DRC11: variants seen among roughly 807,000 people sequenced by gnomAD.
DRC11 encodes the protein IQ and AAA domain-containing protein 1.
At chr2:236,407,348 G>A in the DRC11 span, among the ~76,000 whole-genome samples, 1 of 152,160 alleles carries the variant, frequency 6.6e-6, no homozygotes, top group African/African-American at 2.4e-5. Context: ...TCTCACATGG[G>A]CCATGCAAGC....
the DRC11 span, among the ~76,000 whole-genome samples, chr2:236,409,485 C>T: frequency 5.9e-5 from 9 of 152,242 alleles, no homozygotes; most frequent in Admixed American, 2.0e-4. Flanking sequence ...CTGAAGTTGC[C>T]TATCAGCTTA....
the DRC11 span, among the ~76,000 whole-genome samples, chr2:236,429,099 C>G: frequency 6.6e-5 from 10 of 152,168 alleles, no homozygotes; most frequent in Admixed American, 5.9e-4. This position sits in a 1 kb window ranked among gnomAD's most constrained non-coding sequence, Gnocchi z 5.9. Context: ...CTGTGGGCAG[C>G]AGGGTGGGGG....
chr2:236,315,285 A>G, the DRC11 span, among the ~76,000 whole-genome samples: 4 of 152,242 alleles, frequency 2.6e-5, no homozygotes, highest in South Asian at 8.3e-4. This position sits in a 1 kb window ranked among gnomAD's most constrained non-coding sequence, Gnocchi z 5.1. Context: ...TGGCTCTGAA[A>G]TAAGACTTGA....
At chr2:236,444,983 CG>C in the DRC11 span, among the ~76,000 whole-genome samples, 1 of 152,200 alleles carries the variant, frequency 6.6e-6, no homozygotes, top group Non-Finnish European at 1.5e-5. Flanking sequence ...AAACTGACCA[CG>C]CTCCGCCACA....
chr2:236,452,208 T>C, the DRC11 span, among the ~76,000 whole-genome samples: 4 of 152,206 alleles, frequency 2.6e-5, no homozygotes, highest in African/African-American at 9.7e-5. This position sits in a 1 kb window ranked among gnomAD's most constrained non-coding sequence, Gnocchi z 4.7. Flanking sequence ...TAAAAATTTA[T>C]GCATATTGTC....
chr2:236,471,110 C>T, the DRC11 span, among the ~76,000 whole-genome samples: 1 of 152,126 alleles, frequency 6.6e-6, no homozygotes, highest in East Asian at 1.9e-4. This position sits in a 1 kb window ranked among gnomAD's most constrained non-coding sequence, Gnocchi z 4.6. Flanking sequence ...TACTAGGTAG[C>T]ATTACTATCT....
the DRC11 span, among the ~76,000 whole-genome samples, chr2:236,397,040 T>C: frequency 6.6e-6 from 1 of 152,156 alleles, no homozygotes; most frequent in Non-Finnish European, 1.5e-5. This position sits in a 1 kb window ranked among gnomAD's most constrained non-coding sequence, Gnocchi z 5.0. Context: ...GGGACAAGCA[T>C]TCTGAGCCAG....
At chr2:236,419,092 G>T in the DRC11 span, 3 of 1,487,912 alleles carry the variant, frequency 2.0e-6, no homozygotes, top group East Asian at 2.5e-5. The surrounding 1 kb of genome is among the most constrained non-coding windows in gnomAD (Gnocchi z 4.8). Flanking sequence ...TCAAAGCAAA[G>T]AAGTCAATAA....
the DRC11 span, among the ~76,000 whole-genome samples, chr2:236,433,952 T>C: frequency 3.3e-5 from 5 of 152,260 alleles, no homozygotes; most frequent in African/African-American, 1.2e-4. Context: ...AGAGTTCTAT[T>C]TTTAAATATC....
At chr2:236,494,476 G>C in the DRC11 span, among the ~76,000 whole-genome samples, 1 of 152,170 alleles carries the variant, frequency 6.6e-6, no homozygotes, top group African/African-American at 2.4e-5. The surrounding 1 kb of genome is among the most constrained non-coding windows in gnomAD (Gnocchi z 4.2). Flanking sequence ...TGGGGGTTCA[G>C]ATGAAAATTT....
At chr2:236,345,241 C>T in the DRC11 span, among the ~76,000 whole-genome samples, 1 of 152,156 alleles carries the variant, frequency 6.6e-6, no homozygotes, top group Non-Finnish European at 1.5e-5. Flanking sequence ...AGCTCTGCTG[C>T]ACAGGCACAG....
the DRC11 span, among the ~76,000 whole-genome samples, chr2:236,444,333 G>A: frequency 4.7e-3 from 711 of 152,358 alleles, 9 homozygotes; most frequent in African/African-American, 0.016. Flanking sequence ...GTATGGCAGT[G>A]AAGACTACAG....
At chr2:236,495,158 C>T in the DRC11 span, among the ~76,000 whole-genome samples, 4 of 152,106 alleles carry the variant, frequency 2.6e-5, no homozygotes, top group Admixed American at 6.5e-5. This position sits in a 1 kb window ranked among gnomAD's most constrained non-coding sequence, Gnocchi z 5.6. Context: ...GCCTGGTCAA[C>T]ATGGTGAAAC....
At chr2:236,491,048 A>C in the DRC11 span, among the ~76,000 whole-genome samples, 71 of 137,520 alleles carry the variant, frequency 5.2e-4, no homozygotes, top group African/African-American at 1.8e-3. Flanking sequence ...TATATACAGT[A>C]TATATATATA....
the DRC11 span, among the ~76,000 whole-genome samples, chr2:236,356,836 A>C: frequency 4.0e-5 from 6 of 150,348 alleles, no homozygotes; most frequent in African/African-American, 1.2e-4. Context: ...TCACCTGTGA[A>C]ATGTTTATTG....
the DRC11 span, among the ~76,000 whole-genome samples, chr2:236,473,704 C>T: frequency 2.0e-5 from 3 of 151,488 alleles, no homozygotes; most frequent in African/African-American, 7.3e-5. The surrounding 1 kb of genome is among the most constrained non-coding windows in gnomAD (Gnocchi z 4.8). Flanking sequence ...ATTAAAATAA[C>T]TGCACATAAA....
At chr2:236,493,520 T>C in the DRC11 span, among the ~76,000 whole-genome samples, 5 of 152,220 alleles carry the variant, frequency 3.3e-5, no homozygotes, top group Non-Finnish European at 5.9e-5. Context: ...CAACAGATAC[T>C]GATTTAAGTA....
At chr2:236,343,554 G>T in the DRC11 span, 1 of 416,746 alleles carries the variant, frequency 2.4e-6, no homozygotes. The surrounding 1 kb of genome is among the most constrained non-coding windows in gnomAD (Gnocchi z 6.6). Context: ...TATGTCTGGT[G>T]GGAGAGGGAG....
chr2:236,430,979 T>G, the DRC11 span, among the ~76,000 whole-genome samples: 1 of 152,180 alleles, frequency 6.6e-6, no homozygotes, highest in East Asian at 1.9e-4. The surrounding 1 kb of genome is among the most constrained non-coding windows in gnomAD (Gnocchi z 6.0). Context: ...CAGCCATCAT[T>G]TTTTTGGGCT....
Sources: gnomAD v4.1 joint callset for allele counts (sites outside exome capture counted in the v4.1 genomes callset) on GRCh38, gnomAD v4.1.1 for gene constraint, Gnocchi (gnomAD v3.1) non-coding constraint, MANE v1.5 for transcripts, NCBI Gene and HGNC (gene_info 2026-07-23, HGNC 2026-07-21) for gene names.